Variants in NTRK2 observed in about 807,000 individuals in gnomAD.
NTRK2 encodes the protein neurotrophic receptor tyrosine kinase 2.
In NTRK2, 13 loss-of-function variants were observed where a neutral mutation model predicts 94.5. The observed-to-expected ratio is 0.14, with a 90% CI of 0.09 to 0.22. NTRK2 has a LOEUF of 0.22. Ranked by LOEUF, NTRK2 falls within the 10% of genes least tolerant of loss-of-function variation. The pLI, the probability that NTRK2 is intolerant of heterozygous loss-of-function variation, is 1.00. For missense variants in NTRK2, 639 were observed against 1,071.2 expected, an observed-to-expected ratio of 0.60 and a Z score of 5.63; for synonymous variants, 372 against 407.4, an observed-to-expected ratio of 0.91 and a Z score of 1.05.
At chr9:85,000,925 A>G (rs1830265239) in intron 17 of NTRK2, among the ~76,000 whole-genome samples, 1 of 152,178 alleles carries the variant, frequency 6.6e-6, no homozygotes, top group Non-Finnish European at 1.5e-5. Context: ...TCAACATTTG[A>G]TGTTGTCAGT....
At chr9:84,746,588 G>A (rs1023126730) in intron 11 of NTRK2, among the ~76,000 whole-genome samples, 1 of 152,042 alleles carries the variant, frequency 6.6e-6, no homozygotes, top group Non-Finnish European at 1.5e-5. Context: ...CTTTTCATAT[G>A]AAAGCCACAC....
chr9:84,767,495 G>A (rs527690575), intron 12 of NTRK2, among the ~76,000 whole-genome samples: 20 of 152,258 alleles, frequency 1.3e-4, no homozygotes, highest in African/African-American at 4.3e-4. Context: ...GTACTTTGCC[G>A]TCTTTGTCTG....
At chr9:84,677,591 T>A (rs1587866799) in intron 2 of NTRK2, among the ~76,000 whole-genome samples, 1 of 151,938 alleles carries the variant, frequency 6.6e-6, no homozygotes, top group Non-Finnish European at 1.5e-5. Context: ...GGCTGTGAGG[T>A]TTATTAGTTT....
At chr9:84,958,391 A>G (rs1813978238) in intron 17 of NTRK2, among the ~76,000 whole-genome samples, 1 of 152,232 alleles carries the variant, frequency 6.6e-6, no homozygotes, top group Non-Finnish European at 1.5e-5. Flanking sequence ...CATCTACCAT[A>G]TTTTAACATT....
intron 4 of NTRK2, among the ~76,000 whole-genome samples, chr9:84,702,721 T>C (rs950010087): frequency 1.3e-5 from 2 of 152,166 alleles, no homozygotes; most frequent in African/African-American, 4.8e-5. Flanking sequence ...GAGTTCTTGA[T>C]TTTCTTCCTT....
intron 12 of NTRK2, among the ~76,000 whole-genome samples, chr9:84,755,238 C>T (rs983965412): frequency 2.0e-5 from 3 of 152,152 alleles, no homozygotes; most frequent in African/African-American, 4.8e-5. Flanking sequence ...GTGGATTCAT[C>T]GTAAACCAAA....
At position 84,876,701 on chromosome 9, in the gene NTRK2, T is replaced by A. The variant is rs150568608; in HGVS notation, c.1633+9270T>A. ...GGTTCAGGAACTATGATGCTAATGA[T>A]CACATTTCTTCCTAGTTCCTAATTT... On this transcript the variant is annotated intron_variant, in intron 14 of 18. Transcript: ENST00000277120. 3.4e-4 allele frequency: 358 copies of A among 1,060,640 alleles called. 3 individuals are homozygous for A. In the Middle Eastern group the frequency reaches 4.2e-3, roughly 12 times the overall value. 65.7% of individuals were successfully genotyped at this position (1,060,640 alleles called of 1,614,324 possible).
chr9:84,771,175 C>T (rs1280207294), intron 12 of NTRK2, among the ~76,000 whole-genome samples: 2 of 152,106 alleles, frequency 1.3e-5, no homozygotes, highest in Non-Finnish European at 2.9e-5. Flanking sequence ...TTCATAGAAA[C>T]ACAAAATTAT....
chr9:84,864,190 G>A (rs10868232), intron 13 of NTRK2, among the ~76,000 whole-genome samples: 131,832 of 152,138 alleles, frequency 0.87, 57,262 homozygotes, highest in African/African-American at 0.92. Context: ...CCTGGGCCAG[G>A]GGAGAGTCAG....
chr9:85,015,501 T>C (rs1564552607), intron 17 of NTRK2, among the ~76,000 whole-genome samples: 1 of 152,120 alleles, frequency 6.6e-6, no homozygotes, highest in Non-Finnish European at 1.5e-5. Flanking sequence ...AAGGAACACA[T>C]TGAGAATTCC....
Position 84,728,095 on chromosome 9 carries a change from A to G in NTRK2, c.1159+136A>G, listed in dbSNP as rs1588199019. 7 of 814,950 alleles carry G rather than the reference A, an allele frequency of 8.6e-6. No individual in the cohort carries two copies. The East Asian group carries it at 1.6e-4, about 19-fold the overall frequency. The allele number at this position is 814,950 out of a possible 1,614,324, so 50.5% of individuals were successfully genotyped here. On this transcript the variant is annotated intron_variant, in intron 9 of 18. Transcript: ENST00000277120. Reference sequence around the variant, plus strand: ...ATTATTTAGTGTTGCTCATGGATCCATAGGTCAGCGGAGTGGTTTTATTTT... The same window carrying G: ...ATTATTTAGTGTTGCTCATGGATCCGTAGGTCAGCGGAGTGGTTTTATTTT...
chr9:84,984,502 C>CAA (rs78564107), intron 17 of NTRK2, among the ~76,000 whole-genome samples: 4 of 151,360 alleles, frequency 2.6e-5, no homozygotes, highest in Admixed American at 2.0e-4. Context: ...AAACAAAAAA[C>CAA]AAAAAAAAGA....
intron 10 of NTRK2, among the ~76,000 whole-genome samples, chr9:84,742,975 ATTTTTAGTTAAGACTGGG>A (rs2063779435): frequency 9.1e-6 from 1 of 110,402 alleles, no homozygotes; most frequent in Non-Finnish European, 2.1e-5. Context: ...TAATTCTTAT[ATTTTTAGTTAAGACTGGG>A]TTTTACCATG....
chr9:84,925,163 C>T (rs1244826353), intron 14 of NTRK2, among the ~76,000 whole-genome samples: 1 of 151,868 alleles, frequency 6.6e-6, no homozygotes, highest in Non-Finnish European at 1.5e-5. Context: ...GAATCTCTTC[C>T]AGCAGTTATC....
chr9:84,709,959 C>CTGTG (rs1491578776), intron 5 of NTRK2, among the ~76,000 whole-genome samples: 2,033 of 116,366 alleles, frequency 0.017, 39 homozygotes, highest in African/African-American at 0.037. Flanking sequence ...GAATAGCTTG[C>CTGTG]TCTGTGTGTG....
chr9:84,874,013 C>T, intron 14 of NTRK2: 1 of 1,064,166 alleles, frequency 9.4e-7, no homozygotes, highest in Non-Finnish European at 1.1e-6. Flanking sequence ...ACCAAAGCAT[C>T]AGTGATGTTC....
intron 9 of NTRK2, among the ~76,000 whole-genome samples, chr9:84,735,127 T>C (rs1415442225): frequency 6.6e-6 from 1 of 152,170 alleles, no homozygotes; most frequent in African/African-American, 2.4e-5. Flanking sequence ...CTGAGTGCAG[T>C]GGATCCCTTG....
intron 9 of NTRK2, among the ~76,000 whole-genome samples, chr9:84,732,016 A>G (rs562424277): frequency 6.2e-4 from 95 of 152,332 alleles, no homozygotes; most frequent in African/African-American, 2.2e-3. Context: ...CCCAGACTCC[A>G]GATACTAAAT....
chr9:84,872,193 A>G (rs571824686), intron 14 of NTRK2: 1 of 1,152,926 alleles, frequency 8.7e-7, no homozygotes, highest in African/African-American at 1.5e-5. Context: ...GTTTCCCAGT[A>G]AAATTTACAA....
Sources: gnomAD v4.1 joint callset for allele counts (sites outside exome capture counted in the v4.1 genomes callset) on GRCh38, gnomAD v4.1.1 for gene constraint, MANE v1.5 for transcripts, NCBI Gene and HGNC (gene_info 2026-07-23, HGNC 2026-07-21) for gene names.